The following PUM2 variants were observed in gnomAD, a reference collection of about 807,000 sequenced individuals.
PUM2 encodes pumilio RNA binding family member 2, also known as pumilio homolog 2.
Under a neutral mutation model 124.5 loss-of-function variants are expected in PUM2, and 57 were observed. The observed-to-expected ratio is 0.46, with a 90% CI of 0.37 to 0.57. The LOEUF (loss-of-function observed/expected upper bound fraction) is 0.57, where lower values mean the gene tolerates loss of function less well. Among genes scored for constraint, PUM2 ranks in the 20% least tolerant of loss-of-function variants. The pLI, the probability that PUM2 is intolerant of heterozygous loss-of-function variation, is 0.00. For synonymous variants in PUM2, 460 were observed against 446.1 expected (o/e 1.03, Z -0.39); for missense variants, 1,065 against 1,290.6 (o/e 0.83, Z 2.68).
intron 2 of PUM2, 63 bp from the exon 3 acceptor site, chr2:20,318,708 G>A (rs1054220700): frequency 1.7e-6 from 2 of 1,185,404 alleles, no homozygotes; most frequent in Non-Finnish European, 2.5e-6. Flanking sequence ...TATATAAGAA[G>A]TCTCAAACAT....
chr2:20,300,407 C>A (rs1357965218), intron 7 of PUM2, among the ~76,000 whole-genome samples: 2 of 152,188 alleles, frequency 1.3e-5, no homozygotes, highest in Non-Finnish European at 2.9e-5. Context: ...CCTTGGCCTC[C>A]CAAAGTGCTG....
chr2:20,329,602 G>A (rs1263432424), intron 1 of PUM2, among the ~76,000 whole-genome samples: 1 of 152,184 alleles, frequency 6.6e-6, no homozygotes, highest in Non-Finnish European at 1.5e-5. Flanking sequence ...TACTAGAGCA[G>A]CTTTTGAGAA....
At chr2:20,348,446 T>C (rs545636545) in intron 1 of PUM2, among the ~76,000 whole-genome samples, 11 of 152,316 alleles carry the variant, frequency 7.2e-5, no homozygotes, top group Admixed American at 3.3e-4. Flanking sequence ...AACTTGAGTT[T>C]AGGAGACAGG....
intron 8 of PUM2, 100 bp from the exon 9 acceptor site, chr2:20,294,618 G>T: frequency 7.7e-7 from 1 of 1,306,236 alleles, no homozygotes; most frequent in Non-Finnish European, 1.0e-6. Flanking sequence ...GCAGGAAGAA[G>T]ACTTAGAGAA....
In PUM2 at chr2:20,257,648, C is replaced by A. The variant is rs372341334; in HGVS notation, c.2484+595G>T. Among the ~76,000 whole-genome samples, 49 of 152,232 alleles carry A rather than the reference C, an allele frequency of 3.2e-4. No homozygotes were observed. The South Asian group carries it at 9.9e-3, about 31-fold the overall frequency. ...ATCTTCATCCCCTACTCTCAATATTCTTGTCTATTTCAAATGATTTTAAGC... is the reference window on the plus strand; with the variant it reads ...ATCTTCATCCCCTACTCTCAATATTATTGTCTATTTCAAATGATTTTAAGC... On this transcript the variant is annotated intron_variant, in intron 16 of 20. Coordinates refer to ENST00000361078, the MANE Select transcript of PUM2 (RefSeq NM_015317.5).
chr2:20,286,772 A>G (rs1672840518), intron 10 of PUM2, among the ~76,000 whole-genome samples: 1 of 152,100 alleles, frequency 6.6e-6, no homozygotes. Flanking sequence ...TTTCTAATGT[A>G]ATCATTAAAA....
chr2:20,276,624 G>A (rs1376292152), intron 13 of PUM2, among the ~76,000 whole-genome samples: 1 of 151,684 alleles, frequency 6.6e-6, no homozygotes, highest in Non-Finnish European at 1.5e-5. Context: ...TTTTTGGACA[G>A]CCTTGCATCA....
At position 20,255,131 on chromosome 2, in the gene PUM2, G is replaced by C. The variant is rs1664464578; in HGVS notation, c.2748+85C>G. 2.7e-6 allele frequency: 4 copies of C among 1,489,176 alleles called. No individual in the cohort carries two copies. The South Asian group carries it at 3.7e-5, about 14-fold the overall frequency. The allele number at this position is 1,489,176 out of a possible 1,614,324, so 92.2% of individuals were successfully genotyped here. A position where few individuals can be genotyped will look rare whatever the true frequency, so the allele number is the denominator to read the frequency against. On this transcript the variant is annotated intron_variant, in intron 18 of 20. Coordinates refer to ENST00000361078, the MANE Select transcript of PUM2 (RefSeq NM_015317.5). Reference sequence around the variant, plus strand: ...TTTGTCTCACTCTTGTCTATAGTGTGTTTAGTAACAAATTGTATTTCTTTT... The same window carrying C: ...TTTGTCTCACTCTTGTCTATAGTGTCTTTAGTAACAAATTGTATTTCTTTT...
intron 13 of PUM2, among the ~76,000 whole-genome samples, chr2:20,270,129 A>G (rs1668679487): frequency 6.6e-6 from 1 of 152,150 alleles, no homozygotes; most frequent in Non-Finnish European, 1.5e-5. Context: ...TAACCCCGCA[A>G]AAGAGTAGTA....
chr2:20,257,210 T>C (rs1409978220), intron 16 of PUM2, among the ~76,000 whole-genome samples: 1 of 152,108 alleles, frequency 6.6e-6, no homozygotes, highest in Non-Finnish European at 1.5e-5. Context: ...TTCTAAGCTT[T>C]TAAATAATTA....
chr2:20,326,162 T>C, intron 2 of PUM2: 2 of 1,080,612 alleles, frequency 1.9e-6, no homozygotes, highest in South Asian at 3.2e-5. Flanking sequence ...CAAAAAAAAT[T>C]CAATTTCTTC....
chr2:20,345,518 A>AT (rs1688078286), intron 1 of PUM2, among the ~76,000 whole-genome samples: 1 of 152,170 alleles, frequency 6.6e-6, no homozygotes, highest in South Asian at 2.1e-4. Context: ...CAAGGACCAC[A>AT]TATCACCGTA....
intron 3 of PUM2, among the ~76,000 whole-genome samples, chr2:20,314,290 AT>A (rs1486908332): frequency 1.3e-5 from 2 of 152,192 alleles, no homozygotes; most frequent in Non-Finnish European, 2.9e-5. Context: ...GTCCAGAAAA[AT>A]CAGTAATACC....
chr2:20,310,514 G>A (rs1455022881), intron 5 of PUM2, among the ~76,000 whole-genome samples: 1 of 151,928 alleles, frequency 6.6e-6, no homozygotes, highest in Non-Finnish European at 1.5e-5. Context: ...CTTAGATTAG[G>A]TAATAGTGAA....
At chr2:20,346,757 T>C (rs1464078102) in intron 1 of PUM2, among the ~76,000 whole-genome samples, 1 of 152,220 alleles carries the variant, frequency 6.6e-6, no homozygotes, top group African/African-American at 2.4e-5. Context: ...TGTATGTGTG[T>C]TGGCAGCCAG....
chr2:20,267,026 CTTT>C (rs373222999), intron 13 of PUM2, among the ~76,000 whole-genome samples: 5 of 142,784 alleles, frequency 3.5e-5, no homozygotes, highest in Non-Finnish European at 4.6e-5. Flanking sequence ...ATGCCTGTAA[CTTT>C]TTTTTTTTTT....
intron 2 of PUM2, among the ~76,000 whole-genome samples, chr2:20,319,245 T>C (rs1681730363): frequency 6.6e-6 from 1 of 152,214 alleles, no homozygotes; most frequent in Admixed American, 6.5e-5. Flanking sequence ...ATTGTGTTGA[T>C]ACAATCATTC....
intron 1 of PUM2, 68 bp downstream of exon 1, chr2:20,350,529 C>G (rs1337515907): frequency 1.0e-6 from 1 of 985,592 alleles, no homozygotes; most frequent in Non-Finnish European, 1.2e-6. Flanking sequence ...GGCCGCCGCA[C>G]AAAGCCTGGG....
intron 1 of PUM2, among the ~76,000 whole-genome samples, chr2:20,349,140 T>G (rs902189210): frequency 6.6e-6 from 1 of 152,186 alleles, no homozygotes; most frequent in Non-Finnish European, 1.5e-5. Context: ...TAAGAGAACT[T>G]TGGACTCAAA....
Sources: allele counts gnomAD v4.1 joint callset (sites outside exome capture counted in the v4.1 genomes callset), GRCh38; gene constraint gnomAD v4.1.1; transcripts MANE v1.5; gene names NCBI Gene and HGNC (gene_info 2026-07-23, HGNC 2026-07-21).